The following ATP11B variants were observed in gnomAD, a reference collection of about 807,000 sequenced individuals.
ATP11B encodes the protein phospholipid-transporting ATPase IF.
In ATP11B, 81 loss-of-function variants were observed where a neutral mutation model predicts 157.8. That is an observed-to-expected ratio of 0.51 (90% CI 0.43 to 0.62). The LOEUF (loss-of-function observed/expected upper bound fraction) is 0.62. Ranked by LOEUF, ATP11B falls within the 20% of genes least tolerant of loss-of-function variation. The pLI is 0.00. For synonymous variants in ATP11B, 451 were observed against 469.4 expected (o/e 0.96, Z 0.51); for missense variants, 1,165 against 1,402.2 (o/e 0.83, Z 2.70).
At chr3:182,803,020 A>G (rs1380673585) in intron 1 of ATP11B, among the ~76,000 whole-genome samples, 1 of 152,126 alleles carries the variant, frequency 6.6e-6, no homozygotes, top group Non-Finnish European at 1.5e-5. Context: ...TCTAATGTAT[A>G]TTCGGATTGT....
rs1476998286 is a variant in ATP11B at position 182,829,763 on chromosome 3, CT to C, written c.315+14del. On this transcript the variant is annotated intron_variant, in intron 4 of 29. Coordinates refer to ENST00000323116, the MANE Select transcript of ATP11B (RefSeq NM_014616.3). ...ACTGCCATAAAGCAGGTATGAAATA[CT>C]TTCTTTTTTTAATTTTCCTCTAAGT... 1 of 1,574,000 alleles carries C rather than the reference CT, an allele frequency of 6.4e-7. No homozygotes were observed. Among genetic ancestry groups the C allele is most frequent in the African/African-American group, 1.4e-5 (1 of 73,076 alleles).
intron 1 of ATP11B, among the ~76,000 whole-genome samples, chr3:182,808,721 C>T (rs1576952628): frequency 6.6e-6 from 1 of 151,996 alleles, no homozygotes; most frequent in East Asian, 1.9e-4. Flanking sequence ...ATTTTTTTAA[C>T]ATTTTAAACA....
At chr3:182,917,469 T>G (rs1725213670) in intron 29 of ATP11B, 1 of 985,386 alleles carries the variant, frequency 1.0e-6, no homozygotes, top group Non-Finnish European at 1.2e-6. Flanking sequence ...GAGGATCGTT[T>G]GTCCTTATTA....
At chr3:182,905,923 G>A (rs1724313215) in intron 28 of ATP11B, 1 of 456,202 alleles carries the variant, frequency 2.2e-6, no homozygotes, top group African/African-American at 2.0e-5. Context: ...GCACTAGGTA[G>A]TACTGCGCTG....
At chr3:182,917,861 A>G (rs1438683028) in intron 29 of ATP11B, 162 bp from the exon 30 acceptor site, 5 of 981,566 alleles carry the variant, frequency 5.1e-6, no homozygotes, top group Non-Finnish European at 6.0e-6. Context: ...TATAATATAA[A>G]TAGAAAGTTT....
Position 182,920,798 on chromosome 3 carries a change from TGTCGA to T in ATP11B, c.*2697_*2701del, listed in dbSNP as rs1206400946. The stretch of plus-strand genomic sequence containing the variant: ...GAGAACTACAGCTACGAAGACCTGC[TGTCGA>T]GTTGAGAAAAGGGGAGAATTTATGG... On this transcript the variant is annotated 3_prime_UTR_variant, in exon 30 of 30. Coordinates refer to ENST00000323116, the MANE Select transcript of ATP11B (RefSeq NM_014616.3). 6.6e-6 allele frequency: 1 copy of T among 152,278 alleles called. No individual in the cohort carries two copies. The highest frequency in any genetic ancestry group is 1.5e-5 in the Non-Finnish European group (1 of 68,092). The allele number at this position is 152,278 out of a possible 1,614,324, so 9.4% of individuals were successfully genotyped here.
chr3:182,875,555 C>T (rs986481863), intron 19 of ATP11B, among the ~76,000 whole-genome samples: 1 of 152,180 alleles, frequency 6.6e-6, no homozygotes, highest in Non-Finnish European at 1.5e-5. Context: ...GATTCTCCTG[C>T]CTCAGCCTCC....
At chr3:182,904,888 TAAA>T (rs1004716420) in intron 28 of ATP11B, among the ~76,000 whole-genome samples, 12 of 101,880 alleles carry the variant, frequency 1.2e-4, no homozygotes, top group Non-Finnish European at 2.0e-4. Flanking sequence ...GACTTCTTCT[TAAA>T]AAAAAAAAAA....
intron 1 of ATP11B, among the ~76,000 whole-genome samples, chr3:182,814,640 T>G (rs1028568811): frequency 2.0e-5 from 3 of 151,852 alleles, no homozygotes; most frequent in South Asian, 2.1e-4. Context: ...AGACCCCATA[T>G]CTACAAAAAA....
chr3:182,883,075 T>G (rs1722537360), intron 21 of ATP11B, among the ~76,000 whole-genome samples: 1 of 152,132 alleles, frequency 6.6e-6, no homozygotes, highest in African/African-American at 2.4e-5. Context: ...GAGCATAAAT[T>G]GGTATACCCT....
At chr3:182,820,693 T>G (rs920303873) in intron 2 of ATP11B, among the ~76,000 whole-genome samples, 1 of 152,086 alleles carries the variant, frequency 6.6e-6, no homozygotes, top group African/African-American at 2.4e-5. Context: ...TTATTAAAAC[T>G]GTAGATATGG....
At chr3:182,855,638 G>C (rs183480589) in intron 10 of ATP11B, among the ~76,000 whole-genome samples, 21 of 152,234 alleles carry the variant, frequency 1.4e-4, no homozygotes, top group Non-Finnish European at 1.5e-5. Context: ...TCTTCCAGAG[G>C]CTTTATGTTT....
chr3:182,831,699 C>G (rs927780397), intron 4 of ATP11B, among the ~76,000 whole-genome samples: 4 of 152,076 alleles, frequency 2.6e-5, no homozygotes, highest in Non-Finnish European at 4.4e-5. Context: ...AGTTCTTCTG[C>G]CAGATAATTG....
chr3:182,837,239 A>T, intron 7 of ATP11B, 65 bp downstream of exon 7: 1 of 1,182,506 alleles, frequency 8.5e-7, no homozygotes, highest in Non-Finnish European at 1.2e-6. Context: ...TTAAATAACC[A>T]TAAACATAAA....
chr3:182,900,336 A>G (rs7340569), intron 28 of ATP11B, among the ~76,000 whole-genome samples: 3,091 of 152,314 alleles, frequency 0.02, 101 homozygotes, highest in African/African-American at 0.072. Flanking sequence ...CATGGTTGTT[A>G]GAGATAACGA....
chr3:182,872,245 G>T, intron 17 of ATP11B, 111 bp from the exon 18 acceptor site: 1 of 710,216 alleles, frequency 1.4e-6, no homozygotes, highest in East Asian at 2.5e-5. Flanking sequence ...TAAATGATTT[G>T]TGATTGACTT....
intron 29 of ATP11B, chr3:182,916,320 G>A: frequency 1.0e-6 from 1 of 985,316 alleles, no homozygotes; most frequent in Non-Finnish European, 1.2e-6. Context: ...GCCCTTAGCT[G>A]TGTGTTCCAT....
chr3:182,899,658 C>A (rs1723816212), intron 28 of ATP11B, among the ~76,000 whole-genome samples: 2 of 152,120 alleles, frequency 1.3e-5, no homozygotes, highest in African/African-American at 4.8e-5. Context: ...GTTCAAATCC[C>A]AGGTCTTCCA....
chr3:182,911,464 A>G (rs527846756), intron 28 of ATP11B, among the ~76,000 whole-genome samples: 74 of 152,022 alleles, frequency 4.9e-4, no homozygotes, highest in Non-Finnish European at 6.0e-4. Context: ...AAGCAAAGAA[A>G]CCAAGATTCA....
Sources: allele counts gnomAD v4.1 joint callset (sites outside exome capture counted in the v4.1 genomes callset), GRCh38; gene constraint gnomAD v4.1.1; transcripts MANE v1.5; gene names NCBI Gene and HGNC (gene_info 2026-07-23, HGNC 2026-07-21).